The following PLB1 variants were observed in gnomAD, a reference collection of about 807,000 sequenced individuals.
PLB1 encodes phospholipase B1.
In PLB1, 242 loss-of-function variants were observed where a neutral mutation model predicts 227.4. The observed-to-expected ratio is 1.06, with a 90% CI of 0.96 to 1.18. The LOEUF (loss-of-function observed/expected upper bound fraction) is 1.18. Among genes scored for constraint, PLB1 ranks in the 50% most tolerant of loss-of-function variants. The pLI is 0.00. For synonymous variants in PLB1, 757 were observed against 682.2 expected (o/e 1.11, Z -1.71); for missense variants, 1,858 against 1,816.3 (o/e 1.02, Z -0.42).
intron 39 of PLB1, 109 bp from the exon 40 acceptor site, chr2:28,603,857 C>A: frequency 9.9e-7 from 1 of 1,007,990 alleles, no homozygotes; most frequent in African/African-American, 1.6e-5. Flanking sequence ...TGCTCCTAAA[C>A]CAGGGCGGGA....
chr2:28,565,307 G>C lies in PLB1; in HGVS notation c.1234G>C (p.Gly412Arg). 1 of 1,612,246 alleles carries C rather than the reference G, an allele frequency of 6.2e-7. No homozygotes were observed. Among genetic ancestry groups the C allele is most frequent in the Non-Finnish European group, 8.5e-7 (1 of 1,179,362 alleles). The change falls in exon 19 of 58, where the codon GGG becomes CGG. Residue 412 changes from glycine (G) to arginine (R), a missense_variant. Coordinates refer to ENST00000327757, the MANE Select transcript of PLB1 (RefSeq NM_153021.5). ...AGGCAATGGGGCCGGGTCCACACCT[G>C]GGAACGTCTTGGACGTCTTGACTCA... is the stretch of plus-strand genomic sequence containing the variant. The part of the protein sequence containing the change: ...TAGNGAGSTP[G>R]NVLDVLTQYR...
intron 57 of PLB1, among the ~76,000 whole-genome samples, chr2:28,642,523 C>T (rs868565495): frequency 3.3e-5 from 5 of 152,150 alleles, no homozygotes; most frequent in African/African-American, 7.2e-5. Flanking sequence ...GTTGTGACCA[C>T]GAGGAAGCAG....
intron 2 of PLB1, among the ~76,000 whole-genome samples, chr2:28,517,247 A>G (rs1668964115): frequency 6.6e-6 from 1 of 151,504 alleles, no homozygotes; most frequent in African/African-American, 2.4e-5. Context: ...TCTTACCGTA[A>G]TCAGTACTTC....
chr2:28,562,034 A>G (rs1010579783), intron 17 of PLB1, among the ~76,000 whole-genome samples: 2 of 152,236 alleles, frequency 1.3e-5, no homozygotes, highest in African/African-American at 4.8e-5. Flanking sequence ...AGATAAATCC[A>G]TAGAGGCAGA....
chr2:28,582,547 C>A, intron 25 of PLB1, 42 bp downstream of exon 25: 1 of 1,456,172 alleles, frequency 6.9e-7, no homozygotes, highest in Non-Finnish European at 9.5e-7. Flanking sequence ...AGAATCCTCA[C>A]TGCTAAGGGC....
chr2:28,518,110 GATCTC>G (rs1269885399), intron 2 of PLB1, among the ~76,000 whole-genome samples: 27 of 152,124 alleles, frequency 1.8e-4, no homozygotes, highest in Non-Finnish European at 1.6e-4. Context: ...TCAAACTCCT[GATCTC>G]AAGTGATCCT....
chr2:28,566,732 C>G, intron 19 of PLB1, 64 bp from the exon 20 acceptor site: 1 of 1,577,044 alleles, frequency 6.3e-7, no homozygotes, highest in East Asian at 2.2e-5. Flanking sequence ...TGGCTAGTGT[C>G]TGAAGGGTCT....
At chr2:28,520,535 G>C (rs1260971842) in intron 4 of PLB1, among the ~76,000 whole-genome samples, 7 of 152,114 alleles carry the variant, frequency 4.6e-5, no homozygotes, top group Non-Finnish European at 1.0e-4. Context: ...TCACGTTATT[G>C]TGCAACTGAT....
At chr2:28,510,613 CT>C (rs1438362184) in intron 1 of PLB1, among the ~76,000 whole-genome samples, 1 of 129,450 alleles carries the variant, frequency 7.7e-6, no homozygotes. Context: ...TTTCTTTTTT[CT>C]TTTTCTCTCT....
intron 26 of PLB1, among the ~76,000 whole-genome samples, chr2:28,589,058 C>T (rs1420865756): frequency 1.3e-5 from 2 of 151,888 alleles, no homozygotes; most frequent in African/African-American, 4.8e-5. Flanking sequence ...CCAGCTACTC[C>T]AGAGGCTGAG....
At position 28,643,019 on chromosome 2, in the gene PLB1, G is replaced by T; in HGVS notation, c.4335G>T (p.Arg1445=). ...TVVWRCRRGG[R]REDPPMSLRT... is the part of the protein sequence containing the mutation. ...TCTGGAGGTGCAGGAGAGGTGGCCG[G>T]AGGGAAGATCCTCCAATGAGCCTGC... Residue 1445 remains arginine, a synonymous_variant, in exon 58 of 58, where the codon CGG becomes CGT. Transcript: ENST00000327757. 2 of 1,610,648 alleles carry T rather than the reference G, an allele frequency of 1.2e-6. No individual in the cohort carries two copies. The highest frequency in any genetic ancestry group is 1.7e-6 in the Non-Finnish European group (2 of 1,178,776).
chr2:28,547,830 A>T (rs1231250705), intron 14 of PLB1, among the ~76,000 whole-genome samples: 2 of 136,380 alleles, frequency 1.5e-5, no homozygotes, highest in East Asian at 4.5e-4. Flanking sequence ...TATAATGAAC[A>T]TTTAAAAATA....
chr2:28,585,670 A>G (rs1680784974), intron 25 of PLB1, 91 bp from the exon 26 acceptor site: 2 of 1,060,674 alleles, frequency 1.9e-6, no homozygotes, highest in Non-Finnish European at 2.9e-6. Flanking sequence ...GTTAAAAGAA[A>G]TGTATTGAGT....
At chr2:28,553,972 C>T (rs1674629276) in intron 17 of PLB1, among the ~76,000 whole-genome samples, 1 of 152,094 alleles carries the variant, frequency 6.6e-6, no homozygotes, top group Non-Finnish European at 1.5e-5. Context: ...TCACACATGC[C>T]GTAGCTCTCC....
chr2:28,545,355 G>A (rs528590789), intron 14 of PLB1, among the ~76,000 whole-genome samples: 3 of 152,166 alleles, frequency 2.0e-5, no homozygotes, highest in African/African-American at 4.8e-5. Context: ...CCAGTCCCTC[G>A]TTTCCTCACA....
At chr2:28,545,679 C>T (rs575867331) in intron 14 of PLB1, among the ~76,000 whole-genome samples, 219 of 152,322 alleles carry the variant, frequency 1.4e-3, no homozygotes, top group African/African-American at 5.1e-3. Context: ...CCCTTGGTTT[C>T]GCTAATTGCA....
intron 13 of PLB1, among the ~76,000 whole-genome samples, 194 bp downstream of exon 13, chr2:28,542,005 C>T (rs922417590): frequency 2.6e-5 from 4 of 151,986 alleles, no homozygotes; most frequent in Admixed American, 2.0e-4. Flanking sequence ...TGATGGTGGG[C>T]GCCTGTAATC....
chr2:28,578,237 G>A, intron 22 of PLB1, 79 bp downstream of exon 22: 6 of 1,443,136 alleles, frequency 4.2e-6, no homozygotes, highest in Non-Finnish European at 5.8e-6. Context: ...GGGATGGTTG[G>A]GAGCCCGGCT....
chr2:28,565,275 C>G lies in PLB1; in HGVS notation c.1207-5C>G. 1 of 1,610,370 alleles carries G rather than the reference C, an allele frequency of 6.2e-7. No individual in the cohort carries two copies. Among genetic ancestry groups the G allele is most frequent in the East Asian group, 2.2e-5 (1 of 44,820 alleles). On this transcript the variant is annotated splice_region_variant and splice_polypyrimidine_tract_variant and intron_variant, in intron 18 of 57. Transcript: ENST00000327757. ...GAAACTCACCCCCTCATTGTTCCCT[C>G]TCAGGCAGGCAATGGGGCCGGGTCC...
Sources: gnomAD v4.1 joint callset for allele counts (sites outside exome capture counted in the v4.1 genomes callset) on GRCh38, gnomAD v4.1.1 for gene constraint, MANE v1.5 for transcripts, NCBI Gene and HGNC (gene_info 2026-07-23, HGNC 2026-07-21) for gene names.